The following RAB43 variants were observed in gnomAD, a reference collection of about 807,000 sequenced individuals.
RAB43 encodes the protein ras-related protein Rab-43.
Under a neutral mutation model 18.8 loss-of-function variants are expected in RAB43, and 6 were observed. That is an observed-to-expected ratio of 0.32 (90% CI 0.17 to 0.63). The LOEUF (loss-of-function observed/expected upper bound fraction) is 0.63, where lower values mean the gene tolerates loss of function less well. Among genes scored for constraint, RAB43 ranks in the 30% least tolerant of loss-of-function variants. The probability of loss-of-function intolerance (pLI) is 0.79; values close to 1 mark genes in which losing one functional copy is unlikely to be tolerated. For synonymous variants in RAB43, 103 were observed against 124.1 expected (o/e 0.83, Z 1.13); for missense variants, 195 against 289.1 (o/e 0.67, Z 2.36).
chr3:129,118,416 C>G (rs1935688739), intron 1 of RAB43, among the ~76,000 whole-genome samples: 1 of 152,098 alleles, frequency 6.6e-6, no homozygotes, highest in Non-Finnish European at 1.5e-5. Flanking sequence ...GAATTTCAAC[C>G]TACAACTAGA....
rs749725763 is a variant in RAB43, at chr3:129,095,153, G to A, written c.221C>T (p.Thr74Met). The stretch of plus-strand genomic sequence containing the variant: ...GGTGCGGAACCGCTCCTGGCCGGCC[G>A]TGTCCCAGATCTGCAGCTAAAGAAA... ...GKRVKLQIWDTAGQERFRTIT... is the reference protein window; with the variant it reads ...GKRVKLQIWDMAGQERFRTIT... The change falls in exon 2 of 3, where the codon ACG becomes ATG. Residue 74 changes from threonine (T) to methionine (M), a missense_variant. Physicochemically the swap from Thr to Met is moderately conservative, Grantham distance 81 (BLOSUM62 -1). Transcript: ENST00000315150. The surrounding 1 kb of genome is among the most constrained non-coding windows in gnomAD (Gnocchi z 4.2). 5 of 1,613,036 alleles carry A rather than the reference G, an allele frequency of 3.1e-6. No homozygotes were observed. Among genetic ancestry groups the A allele is most frequent in the East Asian group, 2.2e-5 (1 of 44,870 alleles).
rs1935913470 is a variant in RAB43, at chr3:129,121,289, G to C, written c.201C>G (p.Val67=). 1.9e-6 allele frequency: 3 copies of C among 1,603,628 alleles called. No homozygotes were observed. The highest frequency in any genetic ancestry group is 2.2e-5 in the East Asian group (1 of 44,522). The change falls in exon 1 of 3, where the codon GTC becomes GTG. Residue 67 remains valine (V), a synonymous_variant. Transcript: ENST00000315150. The stretch of plus-strand genomic sequence containing the variant: ...GGGGCCCTGGCCGGCCTCCCACCTT[G>C]ACCCGCTTGCCCTGGATCTCCAGCG... ...MKTLEIQGKR[V]KLQIWDTAGQ...
chr3:129,093,777 T>C (rs1387089232), intron 2 of RAB43, among the ~76,000 whole-genome samples: 1 of 151,536 alleles, frequency 6.6e-6, no homozygotes. Context: ...GTCTGTACAT[T>C]TGAGTCAGAA....
chr3:129,120,990 G>A (rs144208826), intron 1 of RAB43, among the ~76,000 whole-genome samples: 127 of 152,010 alleles, frequency 8.4e-4, no homozygotes, highest in African/African-American at 3.0e-3. Flanking sequence ...CCTTCCAATG[G>A]CTAAAGTTAT....
intron 1 of RAB43, among the ~76,000 whole-genome samples, chr3:129,108,684 G>A (rs1934944759): frequency 6.6e-6 from 1 of 152,174 alleles, no homozygotes; most frequent in Non-Finnish European, 1.5e-5. Context: ...AGGTTCCAAG[G>A]GTTCTTCCCT....
intron 2 of RAB43, 96 bp from the exon 3 acceptor site, chr3:129,091,442 TCCA>T: frequency 2.1e-6 from 3 of 1,430,346 alleles, no homozygotes. Flanking sequence ...GCCACTCCCT[TCCA>T]CCACTATAAA....
At chr3:129,101,174 T>C (rs1379453992) in intron 1 of RAB43, among the ~76,000 whole-genome samples, 2 of 152,252 alleles carry the variant, frequency 1.3e-5, no homozygotes, top group African/African-American at 4.8e-5. Flanking sequence ...GCCCAAGTGC[T>C]AGCATGGAGA....
intron 1 of RAB43, among the ~76,000 whole-genome samples, chr3:129,113,416 G>C (rs1935297244): frequency 2.0e-5 from 3 of 151,762 alleles, no homozygotes; most frequent in Admixed American, 2.0e-4. Flanking sequence ...GGCCCGCCTC[G>C]GCCTCCCAAA....
Position 129,121,539 on chromosome 3 carries a change from G to A in RAB43, c.-50C>T, listed in dbSNP as rs1308434774. On this transcript the variant is annotated 5_prime_UTR_variant, in exon 1 of 3. Transcript: ENST00000315150. ...GCGCTCTGGACGCTGGGACCGGCCT[G>A]AGCTCACGCAAGCCGCGGGCCGAGC... 5.4e-6 allele frequency: 8 copies of A among 1,480,708 alleles called. No individual in the cohort carries two copies. Among genetic ancestry groups the A allele is most frequent in the Non-Finnish European group, 7.2e-6 (8 of 1,104,790 alleles). The allele number at this position is 1,480,708 out of a possible 1,614,324, so 91.7% of individuals were successfully genotyped here.
intron 1 of RAB43, 125 bp downstream of exon 1, chr3:129,121,161 G>A: frequency 1.2e-6 from 1 of 852,292 alleles, no homozygotes; most frequent in South Asian, 1.8e-5. Flanking sequence ...CCCGAGGAAG[G>A]AAAAAGGGGA....
intron 1 of RAB43, among the ~76,000 whole-genome samples, chr3:129,120,199 G>A (rs1053636798): frequency 1.3e-4 from 20 of 152,290 alleles, no homozygotes; most frequent in African/African-American, 4.6e-4. Flanking sequence ...CCACCTTGGG[G>A]CAGGAGGGAG....
intron 1 of RAB43, among the ~76,000 whole-genome samples, chr3:129,096,217 C>CACAGAGGCCCAGACAGTTCCTGAAG (rs1934042467): frequency 1.3e-5 from 2 of 152,208 alleles, no homozygotes; most frequent in Non-Finnish European, 2.9e-5. Flanking sequence ...GGGGAAAAGC[C>CACAGAGGCCCAGACAGTTCCTGAAG]ACAGAGGCCC....
At position 129,095,145 on chromosome 3, in the gene RAB43, G is replaced by A; in HGVS notation, c.229C>T (p.Gln77Ter). 1 of 1,613,294 alleles carries A rather than the reference G, an allele frequency of 6.2e-7. No homozygotes were observed. The highest frequency in any genetic ancestry group is 8.5e-7 in the Non-Finnish European group (1 of 1,179,616). ...VKLQIWDTAG[Q>*]ERFRTITQSY... ...TGGGTGATGGTGCGGAACCGCTCCT[G>A]GCCGGCCGTGTCCCAGATCTGCAGC... The change falls in exon 2 of 3, where the codon CAG becomes TAG. Residue 77 changes from glutamine (Q) to a stop codon, truncating the protein, a stop_gained. Transcript: ENST00000315150. LOFTEE classifies it high-confidence loss of function. This position sits in a 1 kb window ranked among gnomAD's most constrained non-coding sequence, Gnocchi z 4.2.
At chr3:129,098,705 G>A (rs1019718769) in intron 1 of RAB43, among the ~76,000 whole-genome samples, 12 of 152,132 alleles carry the variant, frequency 7.9e-5, no homozygotes, top group African/African-American at 1.7e-4. Context: ...ATGAGTGGAC[G>A]AATAGGGGAT....
intron 1 of RAB43, among the ~76,000 whole-genome samples, chr3:129,109,375 A>G (rs1372517545): frequency 1.4e-5 from 2 of 148,086 alleles, no homozygotes; most frequent in Non-Finnish European, 3.0e-5. Context: ...GCGCCACTAC[A>G]CTCCAGCCTG....
At chr3:129,093,370 T>C (rs895335885) in intron 2 of RAB43, among the ~76,000 whole-genome samples, 1 of 151,986 alleles carries the variant, frequency 6.6e-6, no homozygotes, top group Non-Finnish European at 1.5e-5. Context: ...CCAGCACTTT[T>C]AGAGGTCGAG....
chr3:129,093,252 G>T (rs757200213), intron 2 of RAB43, among the ~76,000 whole-genome samples: 7 of 151,848 alleles, frequency 4.6e-5, no homozygotes, highest in Non-Finnish European at 8.8e-5. Flanking sequence ...CAGCCTCTCA[G>T]TGTTAGGATT....
chr3:129,091,497 C>CT, intron 2 of RAB43, 151 bp from the exon 3 acceptor site: 1 of 1,066,452 alleles, frequency 9.4e-7, no homozygotes, highest in South Asian at 1.7e-5. Flanking sequence ...TTTAAAAAAC[C>CT]TTTTTTAGGC....
At chr3:129,099,191 A>G (rs1056927834) in intron 1 of RAB43, among the ~76,000 whole-genome samples, 5 of 150,502 alleles carry the variant, frequency 3.3e-5, no homozygotes, top group African/African-American at 4.9e-5. Flanking sequence ...TCCCGGGTTC[A>G]TGCCATTCTC....
Sources: gnomAD v4.1 joint callset for allele counts (sites outside exome capture counted in the v4.1 genomes callset) on GRCh38, gnomAD v4.1.1 for gene constraint, Gnocchi (gnomAD v3.1) non-coding constraint, MANE v1.5 for transcripts, NCBI Gene and HGNC (gene_info 2026-07-23, HGNC 2026-07-21) for gene names.